TELO2: variants seen among roughly 807,000 people sequenced by gnomAD.
TELO2 encodes the protein telomere maintenance 2.
A neutral mutation model predicts 91.0 loss-of-function variants in TELO2; 71 were observed. The observed-to-expected ratio is 0.78, with a 90% CI of 0.64 to 0.95. The LOEUF (loss-of-function observed/expected upper bound fraction) is 0.95, where lower values mean the gene tolerates loss of function less well. TELO2 is among the 40% of genes least tolerant of loss of function. The pLI, the probability that TELO2 is intolerant of heterozygous loss-of-function variation, is 0.00. For synonymous variants in TELO2, 584 were observed against 518.9 expected (o/e 1.13, Z -1.71); for missense variants, 1,183 against 1,141.3 (o/e 1.04, Z -0.53).
chr16:1,509,924 C>T lies in TELO2; in HGVS notation c.2502C>T (p.Pro834=), dbSNP rs776080837. 1.4e-5 allele frequency: 23 copies of T among 1,598,642 alleles called. No individual in the cohort carries two copies. The highest frequency in any genetic ancestry group is 8.0e-5 in the African/African-American group (6 of 74,610). ...LQRLKNRLLP[P]ASP ...GACTCAAGAACAGGCTCCTCCCACC[C>T]GCGTCTCCCTAGTCCCTGGAGGCCT... The change falls in exon 21 of 21, where the codon CCC becomes CCT. Residue 834 remains proline (P), a synonymous_variant. Transcript: ENST00000262319.
At position 1,506,245 on chromosome 16, in the gene TELO2, C is replaced by T. The variant is rs758752952; in HGVS notation, c.2042C>T (p.Pro681Leu). Residue 681 changes from proline (P) to leucine (L), a missense_variant, in exon 17 of 21, where the codon CCG (proline) becomes CTG (leucine). Coordinates refer to ENST00000262319, the MANE Select transcript of TELO2 (RefSeq NM_016111.4). ...SKTQRLSKGG[P>L]RQGPAGSPSR... ...TGTAGTTGTGTCTGGCAGGGTGGCC[C>T]GAGGCAGGGCCCGGCAGGCAGCCCC... The T allele has an allele frequency of 5.6e-5, 91 of 1,613,510 alleles. No individual in the cohort carries two copies. Among genetic ancestry groups the T allele is most frequent in the Middle Eastern group, 1.6e-4 (1 of 6,084 alleles).
At position 1,494,735 on chromosome 16, in the gene TELO2, C is replaced by T; in HGVS notation, c.335+119C>T. 9.2e-7 allele frequency: 1 copy of T among 1,090,434 alleles called. No individual in the cohort carries two copies. The allele number at this position is 1,090,434 out of a possible 1,614,324, so 67.5% of individuals were successfully genotyped here. ...TGAGGGGCTAGAGAGAGAGCCTGCT[C>T]CTGGCTGAACCCCTGAACAGAAGAA... On this transcript the variant is annotated intron_variant, in intron 2 of 20. Transcript: ENST00000262319. The surrounding 1 kb of genome is among the most constrained non-coding windows in gnomAD (Gnocchi z 5.6).
rs2039860238 is a variant in TELO2 at position 1,505,530 on chromosome 16, A to G, written c.1963A>G (p.Ser655Gly). 1 of 1,612,356 alleles carries G rather than the reference A, an allele frequency of 6.2e-7. No homozygotes were observed. Residue 655 changes from serine (S) to glycine (G), a missense_variant, in exon 16 of 21, where the codon AGT (serine) becomes GGT (glycine). Ser to Gly is a moderately conservative substitution (Grantham distance 56). Coordinates refer to ENST00000262319, the MANE Select transcript of TELO2 (RefSeq NM_016111.4). This position sits in a 1 kb window ranked among gnomAD's most constrained non-coding sequence, Gnocchi z 4.3. ...AGAGGCAGCCGTCTCTCAGCCTGGC[A>G]GTGCCGTGGCGTCTGACTGGCGGGT... ...LPEAAVSQPGSAVASDWRVVV... is the reference protein window; with the variant it reads ...LPEAAVSQPGGAVASDWRVVV...
At chr16:1,509,231 C>T (rs1381669451) in intron 20 of TELO2, among the ~76,000 whole-genome samples, 1 of 152,090 alleles carries the variant, frequency 6.6e-6, no homozygotes, top group Non-Finnish European at 1.5e-5. Flanking sequence ...TGGCGGGGTC[C>T]CGACAGGGTG....
At position 1,507,617 on chromosome 16, in the gene TELO2, CTGT is replaced by C. The variant is rs935415235; in HGVS notation, c.2312_2314del (p.Leu771del). ...TGCCGGCAGCTACGTGCGCCAGGGGCTGTTGTCGGCCGTCTCCTCCGTCCTGCT... is the reference window on the plus strand; with the variant it reads ...TGCCGGCAGCTACGTGCGCCAGGGGCTGTCGGCCGTCTCCTCCGTCCTGCT... On this transcript the variant is annotated inframe_deletion, in exon 20 of 21. Transcript: ENST00000262319. The C allele has an allele frequency of 5.6e-6, 9 of 1,593,774 alleles. No homozygotes were observed. The highest frequency in any genetic ancestry group is 1.3e-5 in the African/African-American group (1 of 74,868).
At chr16:1,495,070 G>T (rs2039427027) in intron 2 of TELO2, among the ~76,000 whole-genome samples, 1 of 152,346 alleles carries the variant, frequency 6.6e-6, no homozygotes. Context: ...TGTGATCAAA[G>T]CAAGCACTGA....
chr16:1,498,007 C>T (rs1009815591), intron 5 of TELO2, among the ~76,000 whole-genome samples: 4 of 151,890 alleles, frequency 2.6e-5, no homozygotes, highest in African/African-American at 7.3e-5. Flanking sequence ...AAAGTATTTC[C>T]TCCTCTTTTT....
chr16:1,501,874 G>A lies in TELO2; in HGVS notation c.1472+101G>A, dbSNP rs1027537252. ...CCGTGGGGGGCTCCCTGCCTGCTCC[G>A]TGCTTCTTCTCTTTCGTCCTCATGT... On this transcript the variant is annotated intron_variant, in intron 11 of 20. Coordinates refer to ENST00000262319, the MANE Select transcript of TELO2 (RefSeq NM_016111.4). 1.1e-5 allele frequency: 16 copies of A among 1,455,216 alleles called. No individual in the cohort carries two copies. The African/African-American group carries it at 1.1e-4, about 10-fold the overall frequency. The allele number at this position is 1,455,216 out of a possible 1,614,324, so 90.1% of individuals were successfully genotyped here. A position where few individuals can be genotyped will look rare whatever the true frequency, so the allele number is the denominator to read the frequency against.
chr16:1,501,672 C>T lies in TELO2; in HGVS notation c.1371C>T (p.Leu457=), dbSNP rs1424514047. ...CCTTGTTTCCTTAAAGCACGTCCCT[C>T]GTTCCAGCCACGGCAGAGCCCCCTG... The part of the protein sequence containing the change: ...GDGASEAGTS[L]VPATAEPPAE... Residue 457 remains leucine, a synonymous_variant, in exon 11 of 21, where the codon CTC becomes CTT. Transcript: ENST00000262319. 5.0e-6 allele frequency: 8 copies of T among 1,608,192 alleles called. No homozygotes were observed. Among genetic ancestry groups the T allele is most frequent in the South Asian group, 2.2e-5 (2 of 90,532 alleles).
In TELO2 at chr16:1,510,039, C is replaced by T. The variant is rs143902781; in HGVS notation, c.*103C>T. The T allele has an allele frequency of 0.017, 15,976 of 961,700 alleles. 166 individuals carry two copies. The highest frequency in any genetic ancestry group is 0.021 in the Non-Finnish European group (13,555 of 638,300). 59.6% of individuals were successfully genotyped at this position (961,700 alleles called of 1,614,324 possible). Reference sequence around the variant, plus strand: ...AGGCTTTGTAGCGAGGCCAGGTCTTCGGCCGCATCCGGTACGGAGAGTGCA... The same window carrying T: ...AGGCTTTGTAGCGAGGCCAGGTCTTTGGCCGCATCCGGTACGGAGAGTGCA... On this transcript the variant is annotated 3_prime_UTR_variant, in exon 21 of 21. Coordinates refer to ENST00000262319, the MANE Select transcript of TELO2 (RefSeq NM_016111.4).
chr16:1,504,433 C>CAAAAAAAAAA (rs1197074771), intron 15 of TELO2, among the ~76,000 whole-genome samples: 3 of 26,926 alleles, frequency 1.1e-4, no homozygotes, highest in African/African-American at 2.2e-4. Context: ...GACTCCATCT[C>CAAAAAAAAAA]AAAAAAAAAA....
intron 20 of TELO2, among the ~76,000 whole-genome samples, chr16:1,509,164 G>A (rs1044450803): frequency 6.6e-6 from 1 of 152,188 alleles, no homozygotes; most frequent in African/African-American, 2.4e-5. Context: ...TTGGGGGCCT[G>A]AAGCACCAGG....
In TELO2 at chr16:1,505,430, G is replaced by A. The variant is rs150639823; in HGVS notation, c.1863G>A (p.Gln621=). ...TCCAGGTGCTGACTCTGGCTGCCCA[G>A]GAGCTGTCTAGGCCTGGGTGCCTCG... is the stretch of plus-strand genomic sequence containing the variant. ...DILDVLTLAA[Q]ELSRPGCLGR... is the part of the protein sequence containing the mutation. The change falls in exon 16 of 21, where the codon CAG becomes CAA. Residue 621 remains glutamine (Q), a synonymous_variant. Transcript: ENST00000262319. The surrounding 1 kb of genome is among the most constrained non-coding windows in gnomAD (Gnocchi z 4.3). 254 of 1,611,562 alleles carry A rather than the reference G, an allele frequency of 1.6e-4. No homozygotes were observed. In the African/African-American group the frequency reaches 3.0e-3, roughly 19 times the overall value.
chr16:1,496,675 C>G (rs967246427), intron 3 of TELO2, among the ~76,000 whole-genome samples: 2 of 152,176 alleles, frequency 1.3e-5, no homozygotes, highest in Admixed American at 1.3e-4. Context: ...GGTGCTGCTC[C>G]AGGGTCTCAT....
intron 15 of TELO2, among the ~76,000 whole-genome samples, chr16:1,504,158 G>GCCA (rs1397053349): frequency 3.3e-5 from 5 of 149,754 alleles, no homozygotes; most frequent in African/African-American, 1.2e-4. Context: ...AAAGCAGCCG[G>GCCA]CCACGGCGGC....
At position 1,497,011 on chromosome 16, in the gene TELO2, C is replaced by T. The variant is rs1052308495; in HGVS notation, c.614-25C>T. 1.6e-5 allele frequency: 25 copies of T among 1,612,442 alleles called. No homozygotes were observed. Among genetic ancestry groups the T allele is most frequent in the Non-Finnish European group, 2.1e-5 (25 of 1,179,052 alleles). ...TTTTGTGCCTTCCCGCCGGCTTCCT[C>T]ATCAGGCCTCCCTTTCTGTCCCAGG... On this transcript the variant is annotated intron_variant, in intron 3 of 20. Coordinates refer to ENST00000262319, the MANE Select transcript of TELO2 (RefSeq NM_016111.4). The surrounding 1 kb of genome is among the most constrained non-coding windows in gnomAD (Gnocchi z 4.0).
At position 1,501,402 on chromosome 16, in the gene TELO2, C is replaced by G; in HGVS notation, c.1282-18C>G. ...CTGCAGCCTGGCGGATGCCGCTGAG[C>G]CTGCTCCCCTGCTGTAGTACGAAGA... On this transcript the variant is annotated intron_variant, in intron 9 of 20. Coordinates refer to ENST00000262319, the MANE Select transcript of TELO2 (RefSeq NM_016111.4). The G allele has an allele frequency of 6.2e-7, 1 of 1,610,882 alleles. No individual in the cohort carries two copies. Among genetic ancestry groups the G allele is most frequent in the Non-Finnish European group, 8.5e-7 (1 of 1,179,166 alleles).
chr16:1,501,940 C>T (rs1043701016), intron 11 of TELO2, 107 bp from the exon 12 acceptor site: 48 of 1,523,802 alleles, frequency 3.2e-5, no homozygotes, highest in East Asian at 4.5e-5. Flanking sequence ...GCGCAGGGGC[C>T]GAGGCGTGAG....
rs1250705347 is a variant in TELO2, at chr16:1,502,627, C to T, written c.1654-18C>T. 1 of 1,608,452 alleles carries T rather than the reference C, an allele frequency of 6.2e-7. No homozygotes were observed. Among genetic ancestry groups the T allele is most frequent in the Non-Finnish European group, 8.5e-7 (1 of 1,179,294 alleles). On this transcript the variant is annotated intron_variant, in intron 13 of 20. Transcript: ENST00000262319. ...AGCTGGGTCCGACAGGTTTCCCAGC[C>T]CTAACCCCTGCGTGCAGGTGAGCGT...
Sources: allele counts gnomAD v4.1 joint callset (sites outside exome capture counted in the v4.1 genomes callset), GRCh38; gene constraint gnomAD v4.1.1; non-coding constraint Gnocchi (gnomAD v3.1); transcripts MANE v1.5; gene names NCBI Gene and HGNC (gene_info 2026-07-23, HGNC 2026-07-21).